Variants in MTREX observed in about 807,000 individuals in gnomAD.
The protein encoded by MTREX is Mtr4 exosome RNA helicase.
MTREX carries 76 observed loss-of-function variants against 135.4 expected under a neutral mutation model. The ratio of observed to expected loss-of-function variants is 0.56; its 90% confidence interval spans 0.47 to 0.68. The LOEUF (loss-of-function observed/expected upper bound fraction) is 0.68. Among genes scored for constraint, MTREX ranks in the 30% least tolerant of loss-of-function variants. The pLI, the probability that MTREX is intolerant of heterozygous loss-of-function variation, is 0.00. For synonymous variants in MTREX, 404 were observed against 401.6 expected (o/e 1.01, Z -0.07); for missense variants, 920 against 1,262.1 (o/e 0.73, Z 4.11).
At chr5:55,371,409 A>C (rs1277067492) in intron 16 of MTREX, among the ~76,000 whole-genome samples, 1 of 152,140 alleles carries the variant, frequency 6.6e-6, no homozygotes, top group Non-Finnish European at 1.5e-5. Flanking sequence ...TATACTATAA[A>C]TATGTTTTTG....
At chr5:55,335,479 T>C (rs1260736554) in intron 5 of MTREX, among the ~76,000 whole-genome samples, 2 of 152,094 alleles carry the variant, frequency 1.3e-5, no homozygotes, top group Non-Finnish European at 2.9e-5. Flanking sequence ...CTCAAGTTAG[T>C]TTTTCTGTAA....
In MTREX at chr5:55,388,954, A is replaced by G. The variant is rs185765538; in HGVS notation, c.2181+852A>G. On this transcript the variant is annotated intron_variant, in intron 19 of 26. Coordinates refer to ENST00000230640, the MANE Select transcript of MTREX (RefSeq NM_015360.5). ...AAGTAAAATCTGCCACTGTAGTATCATAGACTGCTTCTTTGGATCAATAAA... is the reference window on the plus strand; with the variant it reads ...AAGTAAAATCTGCCACTGTAGTATCGTAGACTGCTTCTTTGGATCAATAAA... Among the ~76,000 whole-genome samples the G allele has an allele frequency of 2.6e-4, 40 of 152,352 alleles. No homozygotes were observed. In the East Asian group the frequency reaches 5.0e-3, roughly 19 times the overall value.
At position 55,350,921 on chromosome 5, in the gene MTREX, A is replaced by T; in HGVS notation, c.1323A>T (p.Val441=). ...LSDEDKKLPQ[V]EHVLPLLKRG... is the part of the protein sequence containing the mutation. ...TCAGTGTTATTCCAAAATCACAGGT[A>T]GAACATGTACTTCCTCTTTTGAAGA... Residue 441 remains valine (V), a splice_region_variant and synonymous_variant, in exon 13 of 27, where the codon GTA becomes GTT. Coordinates refer to ENST00000230640, the MANE Select transcript of MTREX (RefSeq NM_015360.5). The T allele has an allele frequency of 6.3e-7, 1 of 1,591,130 alleles. No homozygotes were observed. The highest frequency in any genetic ancestry group is 8.5e-7 in the Non-Finnish European group (1 of 1,171,724).
At chr5:55,394,702 G>A (rs1295228823) in intron 19 of MTREX, among the ~76,000 whole-genome samples, 1 of 152,124 alleles carries the variant, frequency 6.6e-6, no homozygotes, top group Admixed American at 6.5e-5. Flanking sequence ...GGGGCTTGGG[G>A]ACCCCTGAAT....
chr5:55,386,784 A>G (rs1750488215), intron 18 of MTREX, among the ~76,000 whole-genome samples: 1 of 152,124 alleles, frequency 6.6e-6, no homozygotes, highest in Non-Finnish European at 1.5e-5. Context: ...CCAGATACTC[A>G]CATCTTCCTA....
chr5:55,361,106 G>T (rs1749999265), intron 15 of MTREX, among the ~76,000 whole-genome samples: 1 of 152,162 alleles, frequency 6.6e-6, no homozygotes, highest in Admixed American at 6.5e-5. Context: ...TGAGACAACA[G>T]TTTGTTCTTT....
chr5:55,424,609 G>C, intron 26 of MTREX, 111 bp from the exon 27 acceptor site: 1 of 698,838 alleles, frequency 1.4e-6, no homozygotes, highest in South Asian at 1.7e-5. Flanking sequence ...TTTCTAGGCT[G>C]CTCGCTTACC....
intron 1 of MTREX, among the ~76,000 whole-genome samples, chr5:55,320,261 A>G (rs368520557): frequency 2.8e-5 from 4 of 144,412 alleles, no homozygotes; most frequent in African/African-American, 1.0e-4. Context: ...TCTGTCGCCC[A>G]GGCTGGAGTA....
chr5:55,393,818 A>T (rs1271296578), intron 19 of MTREX, among the ~76,000 whole-genome samples: 4 of 152,236 alleles, frequency 2.6e-5, no homozygotes, highest in Non-Finnish European at 5.9e-5. Context: ...ATGTTTTTAA[A>T]TATCTGAAAT....
At chr5:55,385,825 T>A (rs1403547329) in intron 18 of MTREX, among the ~76,000 whole-genome samples, 1 of 152,202 alleles carries the variant, frequency 6.6e-6, no homozygotes, top group Non-Finnish European at 1.5e-5. Context: ...GACATATTTT[T>A]AAAAAATTAC....
chr5:55,422,550 A>G (rs1431474172), intron 25 of MTREX, among the ~76,000 whole-genome samples: 3 of 152,060 alleles, frequency 2.0e-5, no homozygotes, highest in Non-Finnish European at 4.4e-5. Context: ...TGCCTGAGAG[A>G]TACTGCCTGG....
intron 15 of MTREX, among the ~76,000 whole-genome samples, chr5:55,362,765 AGTGT>A (rs1750038486): frequency 6.6e-6 from 1 of 152,222 alleles, no homozygotes; most frequent in Non-Finnish European, 1.5e-5. Flanking sequence ...TAAATGAGAA[AGTGT>A]GTATTATTAA....
At chr5:55,399,678 G>A (rs892616582) in intron 20 of MTREX, among the ~76,000 whole-genome samples, 1 of 151,886 alleles carries the variant, frequency 6.6e-6, no homozygotes, top group Non-Finnish European at 1.5e-5. Flanking sequence ...TAGTAGAGAC[G>A]GGGTTTCACC....
chr5:55,353,286 A>G lies in MTREX; in HGVS notation c.1533+17A>G, dbSNP rs748622599. On this transcript the variant is annotated intron_variant, in intron 14 of 26. Transcript: ENST00000230640. ...TTCCGATGGGTAAGTAAAGCAATTC[A>G]TATATCAAAATAATTTTTGTCTTTG... 4 of 1,506,804 alleles carry G rather than the reference A, an allele frequency of 2.7e-6. No homozygotes were observed. The highest frequency in any genetic ancestry group is 3.7e-6 in the Non-Finnish European group (4 of 1,091,694). The allele number at this position is 1,506,804 out of a possible 1,614,324, so 93.3% of individuals were successfully genotyped here.
chr5:55,325,280 A>AT (rs1325921054), intron 3 of MTREX, among the ~76,000 whole-genome samples: 7 of 139,126 alleles, frequency 5.0e-5, no homozygotes, highest in African/African-American at 1.6e-4. Flanking sequence ...TGCAAGTTTG[A>AT]TTTTTTCAGG....
chr5:55,344,432 T>C (rs1749698149), intron 8 of MTREX, 90 bp from the exon 9 acceptor site: 1 of 817,276 alleles, frequency 1.2e-6, no homozygotes, highest in African/African-American at 1.8e-5. Context: ...ATTCATTACT[T>C]GATTTTCTTA....
At chr5:55,389,335 T>C (rs919931940) in intron 19 of MTREX, among the ~76,000 whole-genome samples, 4 of 152,160 alleles carry the variant, frequency 2.6e-5, no homozygotes, top group Non-Finnish European at 5.9e-5. Context: ...TGGCAGACAT[T>C]GATAGTAAGT....
chr5:55,322,309 A>G lies in MTREX; in HGVS notation c.135-18A>G, dbSNP rs1352710978. The G allele has an allele frequency of 6.3e-7, 1 of 1,592,396 alleles. No individual in the cohort carries two copies. Among genetic ancestry groups the G allele is most frequent in the Non-Finnish European group, 8.5e-7 (1 of 1,170,988 alleles). On this transcript the variant is annotated intron_variant, in intron 1 of 26. Transcript: ENST00000230640. ...AAGTGGATACTGCAGAATTCATTCC[A>G]AACTATTTACTTTTCAGGAAACGTT...
At chr5:55,369,350 A>G (rs1023797401) in intron 16 of MTREX, among the ~76,000 whole-genome samples, 1 of 152,244 alleles carries the variant, frequency 6.6e-6, no homozygotes, top group Non-Finnish European at 1.5e-5. Context: ...GTCATGCATG[A>G]GTAGGATAAT....
Sources: allele counts gnomAD v4.1 joint callset (sites outside exome capture counted in the v4.1 genomes callset), GRCh38; gene constraint gnomAD v4.1.1; transcripts MANE v1.5; gene names NCBI Gene and HGNC (gene_info 2026-07-23, HGNC 2026-07-21).